GALNTL6: variants seen among roughly 807,000 people sequenced by gnomAD.
GALNTL6 encodes polypeptide N-acetylgalactosaminyltransferase like 6.
Under a neutral mutation model 73.7 loss-of-function variants are expected in GALNTL6, and 46 were observed. The observed-to-expected ratio is 0.62, with a 90% CI of 0.49 to 0.80. GALNTL6 has a LOEUF of 0.80. GALNTL6 is among the 30% of genes least tolerant of loss of function. The probability of loss-of-function intolerance (pLI) is 0.00; values close to 1 mark genes in which losing one functional copy is unlikely to be tolerated. For synonymous variants in GALNTL6, 259 were observed against 263.7 expected (o/e 0.98, Z 0.17); for missense variants, 604 against 755.0 (o/e 0.80, Z 2.34).
intron 2 of GALNTL6, among the ~76,000 whole-genome samples, chr4:171,961,989 T>A (rs1739232042): frequency 6.6e-6 from 1 of 152,338 alleles, no homozygotes; most frequent in East Asian, 1.9e-4. Flanking sequence ...TACTCTTAAA[T>A]CGAACACTTA....
At chr4:172,766,739 G>A (rs924905834) in intron 5 of GALNTL6, among the ~76,000 whole-genome samples, 1 of 152,198 alleles carries the variant, frequency 6.6e-6, no homozygotes, top group Admixed American at 6.5e-5. Context: ...CAATTTTTCT[G>A]TCAAGGAAAG....
chr4:172,514,864 G>A (rs938355118), intron 5 of GALNTL6, among the ~76,000 whole-genome samples: 37 of 152,138 alleles, frequency 2.4e-4, no homozygotes, highest in Non-Finnish European at 7.4e-5. Context: ...CTTCTCCCAT[G>A]ATCTGGATTT....
chr4:172,528,981 A>ATG (rs1735074169), intron 5 of GALNTL6, among the ~76,000 whole-genome samples: 1 of 35,594 alleles, frequency 2.8e-5, no homozygotes, highest in African/African-American at 8.5e-5. Context: ...GTATATTTAT[A>ATG]CATATGTGTG....
At chr4:172,214,905 TTTC>T (rs1268560308) in intron 2 of GALNTL6, among the ~76,000 whole-genome samples, 1 of 152,158 alleles carries the variant, frequency 6.6e-6, no homozygotes. Flanking sequence ...GCTTTAGAGC[TTTC>T]TTCTTTTCTA....
intron 5 of GALNTL6, among the ~76,000 whole-genome samples, chr4:172,520,708 A>G (rs1734749945): frequency 6.6e-6 from 1 of 151,956 alleles, no homozygotes; most frequent in Non-Finnish European, 1.5e-5. Flanking sequence ...AGGGAGGACA[A>G]GTATTTTGGT....
chr4:172,767,948 G>A (rs192449068), intron 5 of GALNTL6, among the ~76,000 whole-genome samples: 150 of 152,136 alleles, frequency 9.9e-4, no homozygotes, highest in African/African-American at 3.5e-3. Flanking sequence ...GATTACAGGC[G>A]TGAGCCACTG....
At chr4:172,427,588 A>G (rs1731278919) in intron 5 of GALNTL6, among the ~76,000 whole-genome samples, 1 of 152,186 alleles carries the variant, frequency 6.6e-6, no homozygotes, top group South Asian at 2.1e-4. Flanking sequence ...CAATAATGTT[A>G]GGAAAAAATA....
chr4:172,852,676 G>T (rs780410504), intron 7 of GALNTL6, among the ~76,000 whole-genome samples: 1 of 152,188 alleles, frequency 6.6e-6, no homozygotes, highest in East Asian at 1.9e-4. Flanking sequence ...TTCCGGAAAG[G>T]CAAGAACACT....
At chr4:172,039,395 A>G (rs1742024386) in intron 2 of GALNTL6, among the ~76,000 whole-genome samples, 1 of 152,196 alleles carries the variant, frequency 6.6e-6, no homozygotes, top group Non-Finnish European at 1.5e-5. Context: ...TAATGAGAAA[A>G]ATAACATTCT....
At chr4:172,215,852 G>T (rs746297319) in intron 2 of GALNTL6, among the ~76,000 whole-genome samples, 1 of 151,824 alleles carries the variant, frequency 6.6e-6, no homozygotes, top group Admixed American at 6.6e-5. Context: ...CCTTTCATAG[G>T]CATCAATTAC....
intron 2 of GALNTL6, among the ~76,000 whole-genome samples, chr4:172,018,263 C>G (rs1306575958): frequency 6.6e-6 from 1 of 151,972 alleles, no homozygotes; most frequent in African/African-American, 2.4e-5. Flanking sequence ...ATGGGTGAGG[C>G]CAGAAAGCTC....
At chr4:171,991,098 T>A (rs1185257039) in intron 2 of GALNTL6, among the ~76,000 whole-genome samples, 1 of 152,000 alleles carries the variant, frequency 6.6e-6, no homozygotes, top group Non-Finnish European at 1.5e-5. Flanking sequence ...CATGAAAAAA[T>A]TAATAACCTT....
At chr4:171,946,375 C>T (rs1234115254) in intron 2 of GALNTL6, among the ~76,000 whole-genome samples, 1 of 152,170 alleles carries the variant, frequency 6.6e-6, no homozygotes, top group Non-Finnish European at 1.5e-5. Flanking sequence ...ACAATATTGT[C>T]TAGTTACTGC....
intron 5 of GALNTL6, among the ~76,000 whole-genome samples, chr4:172,599,630 A>G (rs748460930): frequency 3.9e-5 from 6 of 152,126 alleles, no homozygotes; most frequent in Non-Finnish European, 8.8e-5. Context: ...AAAATTTGCT[A>G]TAACTCTACC....
chr4:172,340,952 A>G (rs1266668358), intron 4 of GALNTL6, among the ~76,000 whole-genome samples: 1 of 152,146 alleles, frequency 6.6e-6, no homozygotes, highest in African/African-American at 2.4e-5. Flanking sequence ...TCATTCCTTT[A>G]GAGTGCTCTA....
At chr4:172,627,974 G>A (rs1739235444) in intron 5 of GALNTL6, among the ~76,000 whole-genome samples, 1 of 150,992 alleles carries the variant, frequency 6.6e-6, no homozygotes, top group African/African-American at 2.4e-5. Flanking sequence ...GTGATTCTTT[G>A]TATGGATTTC....
chr4:172,214,107 A>G (rs1736417183), intron 2 of GALNTL6, among the ~76,000 whole-genome samples: 1 of 152,104 alleles, frequency 6.6e-6, no homozygotes. Context: ...TCGGTGGACT[A>G]TGTTTGTGCA....
chr4:172,475,708 T>A (rs989408944), intron 5 of GALNTL6, among the ~76,000 whole-genome samples: 1 of 152,194 alleles, frequency 6.6e-6, no homozygotes, highest in Non-Finnish European at 1.5e-5. Flanking sequence ...TCTAGAGAAT[T>A]TAGAGAAGTT....
chr4:173,023,339 T>C (rs1210820040), intron 12 of GALNTL6, among the ~76,000 whole-genome samples: 1 of 152,114 alleles, frequency 6.6e-6, no homozygotes, highest in Non-Finnish European at 1.5e-5. Flanking sequence ...CCTGGCAGGT[T>C]GTGGCTGTGT....
Sources: gnomAD v4.1 joint callset for allele counts (sites outside exome capture counted in the v4.1 genomes callset) on GRCh38, gnomAD v4.1.1 for gene constraint, MANE v1.5 for transcripts, NCBI Gene and HGNC (gene_info 2026-07-23, HGNC 2026-07-21) for gene names.